The following PXDNL variants were observed in gnomAD, a reference collection of about 807,000 sequenced individuals.
The protein encoded by PXDNL is probable oxidoreductase PXDNL.
A neutral mutation model predicts 150.8 loss-of-function variants in PXDNL; 145 were observed. That is an observed-to-expected ratio of 0.96 (90% CI 0.84 to 1.10). The LOEUF (loss-of-function observed/expected upper bound fraction) is 1.10, where lower values mean the gene tolerates loss of function less well. Among genes scored for constraint, PXDNL ranks in the 50% least tolerant of loss-of-function variants. The probability of loss-of-function intolerance (pLI) is 0.00; values close to 1 mark genes in which losing one functional copy is unlikely to be tolerated. For missense variants in PXDNL, 2,087 were observed against 1,873.9 expected (o/e 1.11, Z -2.10); for synonymous variants, 757 against 725.7 (o/e 1.04, Z -0.69).
chr8:51,523,639 A>G (rs1346774961), intron 4 of PXDNL, among the ~76,000 whole-genome samples: 1 of 152,226 alleles, frequency 6.6e-6, no homozygotes, highest in African/African-American at 2.4e-5. Flanking sequence ...CAGGAAAATG[A>G]AAGTTAACAT....
chr8:51,333,938 T>C (rs1805767146), intron 21 of PXDNL, among the ~76,000 whole-genome samples: 1 of 152,146 alleles, frequency 6.6e-6, no homozygotes, highest in Admixed American at 6.5e-5. Flanking sequence ...AAGGAAATAA[T>C]GGATCTAAAC....
At chr8:51,535,919 CTT>C (rs1812065241) in intron 4 of PXDNL, among the ~76,000 whole-genome samples, 1 of 152,176 alleles carries the variant, frequency 6.6e-6, no homozygotes, top group Non-Finnish European at 1.5e-5. Flanking sequence ...CATTCGCTCT[CTT>C]TTACTGTGAC....
At chr8:51,536,054 G>A (rs897534961) in intron 4 of PXDNL, among the ~76,000 whole-genome samples, 4 of 152,176 alleles carry the variant, frequency 2.6e-5, no homozygotes, top group Non-Finnish European at 4.4e-5. Flanking sequence ...CCTGGCCATG[G>A]TGATCGGGCC....
chr8:51,786,642 C>A (rs1262587537), intron 1 of PXDNL, among the ~76,000 whole-genome samples: 1 of 151,470 alleles, frequency 6.6e-6, no homozygotes, highest in Non-Finnish European at 1.5e-5. Flanking sequence ...GGAGGCTGTT[C>A]ATGAAGTTTA....
chr8:51,407,610 A>G (rs920984411), intron 17 of PXDNL, among the ~76,000 whole-genome samples: 2 of 152,188 alleles, frequency 1.3e-5, no homozygotes, highest in African/African-American at 4.8e-5. Context: ...AAAAAGCCCT[A>G]ACTTAAATTC....
rs753659275 is a variant in PXDNL at position 51,499,696 on chromosome 8, T to TA, written c.452+2dup. Reference sequence around the variant, plus strand: ...AAAGGACATCTAAAGGGTCAACACTTACAGTCGCTCTAATCTCAGAAGGTC... The same window carrying TA: ...AAAGGACATCTAAAGGGTCAACACTTAACAGTCGCTCTAATCTCAGAAGGTC... On this transcript the variant is annotated splice_region_variant and intron_variant, in intron 5 of 22. Transcript: ENST00000356297. The TA allele has an allele frequency of 2.7e-5, 44 of 1,607,506 alleles. No individual in the cohort carries two copies. The highest frequency in any genetic ancestry group is 3.6e-5 in the Non-Finnish European group (42 of 1,174,120).
chr8:51,464,823 A>G, intron 8 of PXDNL, among the ~76,000 whole-genome samples: 1 of 152,166 alleles, frequency 6.6e-6, no homozygotes, highest in Non-Finnish European at 1.5e-5. Flanking sequence ...TTATGTAACA[A>G]ACCTGCACGT....
chr8:51,569,032 C>A (rs1812877784), intron 3 of PXDNL, among the ~76,000 whole-genome samples: 1 of 151,900 alleles, frequency 6.6e-6, no homozygotes, highest in East Asian at 1.9e-4. Flanking sequence ...GAGTCTTTGG[C>A]ACATTAATAT....
intron 2 of PXDNL, among the ~76,000 whole-genome samples, chr8:51,651,882 G>T (rs574416807): frequency 6.6e-6 from 1 of 152,154 alleles, no homozygotes; most frequent in Non-Finnish European, 1.5e-5. Context: ...GTGCTGCAGC[G>T]GGTGAAATTC....
chr8:51,767,820 T>C (rs2037248295), intron 1 of PXDNL, among the ~76,000 whole-genome samples: 1 of 152,242 alleles, frequency 6.6e-6, no homozygotes, highest in South Asian at 2.1e-4. Context: ...AGGGCAACTT[T>C]GATATATTAA....
chr8:51,383,984 A>G (rs1455904666), intron 17 of PXDNL, among the ~76,000 whole-genome samples: 3 of 152,216 alleles, frequency 2.0e-5, no homozygotes, highest in Non-Finnish European at 4.4e-5. Flanking sequence ...CAAGATAGAT[A>G]TGCAGCAATG....
At chr8:51,749,841 C>T (rs770724375) in intron 1 of PXDNL, among the ~76,000 whole-genome samples, 36 of 152,204 alleles carry the variant, frequency 2.4e-4, no homozygotes, top group Non-Finnish European at 3.7e-4. Context: ...GCTGGGATTA[C>T]AGGCACGTAC....
At chr8:51,678,397 A>G (rs1815673536) in intron 1 of PXDNL, among the ~76,000 whole-genome samples, 1 of 152,198 alleles carries the variant, frequency 6.6e-6, no homozygotes, top group Non-Finnish European at 1.5e-5. Flanking sequence ...AGAATTTAAC[A>G]TTAAAAAATG....
intron 4 of PXDNL, among the ~76,000 whole-genome samples, chr8:51,508,665 C>A (rs1811343689): frequency 6.6e-6 from 1 of 152,196 alleles, no homozygotes; most frequent in Non-Finnish European, 1.5e-5. Context: ...GTACCAGGAA[C>A]ATGAGCACTT....
intron 1 of PXDNL, among the ~76,000 whole-genome samples, chr8:51,715,916 A>T (rs189787335): frequency 2.4e-3 from 364 of 152,352 alleles, no homozygotes; most frequent in African/African-American, 8.2e-3. Flanking sequence ...TTTAAAAAAA[A>T]AAATGCTATT....
chr8:51,453,862 T>C, intron 9 of PXDNL, 77 bp from the exon 10 acceptor site: 2 of 1,483,632 alleles, frequency 1.3e-6, no homozygotes, highest in Non-Finnish European at 9.1e-7. Flanking sequence ...ATTGTGGTTT[T>C]AAGATTATTG....
chr8:51,548,816 G>C (rs773680123), intron 4 of PXDNL, among the ~76,000 whole-genome samples: 1 of 152,134 alleles, frequency 6.6e-6, no homozygotes. Context: ...AAATAGGACA[G>C]TACTTCACAT....
At chr8:51,538,623 C>T (rs963725174) in intron 4 of PXDNL, among the ~76,000 whole-genome samples, 52 of 151,948 alleles carry the variant, frequency 3.4e-4, no homozygotes, top group African/African-American at 1.0e-3. Context: ...AAAAATTAGG[C>T]GAGTCTGGTG....
intron 2 of PXDNL, among the ~76,000 whole-genome samples, chr8:51,616,737 C>T (rs1388120851): frequency 6.6e-6 from 1 of 152,186 alleles, no homozygotes; most frequent in African/African-American, 2.4e-5. Context: ...CAATGAGGCA[C>T]ATGGTGTGAA....
Sources: gnomAD v4.1 joint callset for allele counts (sites outside exome capture counted in the v4.1 genomes callset) on GRCh38, gnomAD v4.1.1 for gene constraint, MANE v1.5 for transcripts, NCBI Gene and HGNC (gene_info 2026-07-23, HGNC 2026-07-21) for gene names.